Variants in SEC24B observed in about 807,000 individuals in gnomAD.
SEC24B encodes protein transport protein Sec24B.
In SEC24B, 45 loss-of-function variants were observed where a neutral mutation model predicts 142.8. That is an observed-to-expected ratio of 0.32 (90% CI 0.25 to 0.40). The LOEUF (loss-of-function observed/expected upper bound fraction) is 0.40, where lower values mean the gene tolerates loss of function less well. Among genes scored for constraint, SEC24B ranks in the 10% least tolerant of loss-of-function variants. The pLI is 1.00. For synonymous variants in SEC24B, 574 were observed against 568.2 expected (o/e 1.01, Z -0.15); for missense variants, 1,409 against 1,526.8 (o/e 0.92, Z 1.29).
At chr4:109,463,706 A>G in intron 2 of SEC24B, 62 bp downstream of exon 2, 1 of 1,549,122 alleles carries the variant, frequency 6.5e-7, no homozygotes. Flanking sequence ...CAATTAAGTT[A>G]TTATTTACAT....
intron 1 of SEC24B, among the ~76,000 whole-genome samples, chr4:109,446,400 A>C (rs1729466584): frequency 6.6e-6 from 1 of 152,232 alleles, no homozygotes; most frequent in Non-Finnish European, 1.5e-5. Flanking sequence ...GTCTCTTCAG[A>C]GTGTCCAAAG....
At chr4:109,439,525 T>C (rs1344141594) in intron 1 of SEC24B, among the ~76,000 whole-genome samples, 5 of 133,308 alleles carry the variant, frequency 3.8e-5, no homozygotes, top group African/African-American at 5.8e-5. Context: ...TTTTTGAGAC[T>C]GAGTTTCAGT....
intron 4 of SEC24B, among the ~76,000 whole-genome samples, chr4:109,490,012 T>G (rs1561127735): frequency 6.6e-6 from 1 of 152,064 alleles, no homozygotes; most frequent in Non-Finnish European, 1.5e-5. Context: ...TGCATAAATA[T>G]TAGTGTCTTC....
intron 1 of SEC24B, among the ~76,000 whole-genome samples, chr4:109,450,086 A>G (rs1191930741): frequency 1.3e-5 from 2 of 151,950 alleles, no homozygotes; most frequent in Non-Finnish European, 2.9e-5. Context: ...GGTTGCACTC[A>G]CCTGTAGTCC....
At chr4:109,482,979 TACACACACACACACACACACACAC>T (rs1554001099) in intron 4 of SEC24B, among the ~76,000 whole-genome samples, 1 of 26,406 alleles carries the variant, frequency 3.8e-5, no homozygotes, top group Non-Finnish European at 7.5e-5. Context: ...TATATATATA[TACACACACACACACACACACACAC>T]ATATTATACA....
chr4:109,510,049 G>A lies in SEC24B; in HGVS notation c.1714G>A (p.Ala572Thr). ...TTTGACAAATATTCCACAGACACAG[G>A]CTTTACTGAATAAAGCTAAGCTTCC... is the stretch of plus-strand genomic sequence containing the variant. ...CTLTNIPQTQ[A>T]LLNKAKLPLG... Residue 572 changes from alanine (A) to threonine (T), a missense_variant, in exon 8 of 24, where the codon GCT (alanine) becomes ACT (threonine). Ala to Thr is a moderately conservative substitution (Grantham distance 58). Around this residue, in one of 2 missense-constraint regions of SEC24B, gnomAD observed 700 missense variants for 853.3 expected, o/e 0.82. Transcript: ENST00000265175. 6.2e-7 allele frequency: 1 copy of A among 1,609,996 alleles called. No homozygotes were observed. Among genetic ancestry groups the A allele is most frequent in the Non-Finnish European group, 8.5e-7 (1 of 1,178,492 alleles).
intron 6 of SEC24B, among the ~76,000 whole-genome samples, chr4:109,500,544 TAAAA>T (rs749051623): frequency 8.9e-5 from 9 of 101,140 alleles, no homozygotes; most frequent in African/African-American, 1.9e-4. Context: ...GACTCCATCT[TAAAA>T]AAAAAAAAAA....
chr4:109,521,874 G>C (rs1287606095), intron 14 of SEC24B, among the ~76,000 whole-genome samples: 3 of 151,968 alleles, frequency 2.0e-5, no homozygotes, highest in African/African-American at 7.3e-5. Context: ...TGGGATTACA[G>C]GCGTGCACCA....
At chr4:109,462,851 TA>T in intron 1 of SEC24B, 49 bp from the exon 2 acceptor site, 1 of 1,398,272 alleles carries the variant, frequency 7.2e-7, no homozygotes, top group Non-Finnish European at 9.7e-7. Flanking sequence ...GGGCTATTTT[TA>T]AAAATTAGTT....
chr4:109,446,941 A>T (rs1729531722), intron 1 of SEC24B, among the ~76,000 whole-genome samples: 1 of 152,192 alleles, frequency 6.6e-6, no homozygotes, highest in Admixed American at 6.5e-5. Flanking sequence ...ACTAGACTGA[A>T]TTTTTTCACT....
chr4:109,462,781 A>T (rs1263407050), intron 1 of SEC24B, 120 bp from the exon 2 acceptor site: 1 of 805,170 alleles, frequency 1.2e-6, no homozygotes, highest in Admixed American at 2.6e-5. Context: ...AACAGTGTAT[A>T]CCTTTTGTAA....
intron 3 of SEC24B, among the ~76,000 whole-genome samples, chr4:109,473,569 G>A (rs1235239570): frequency 6.6e-6 from 1 of 151,954 alleles, no homozygotes; most frequent in Non-Finnish European, 1.5e-5. Context: ...GATTATTTCT[G>A]TGCTTTTTGT....
intron 1 of SEC24B, among the ~76,000 whole-genome samples, chr4:109,456,339 T>TTTTG (rs1730680199): frequency 6.7e-6 from 1 of 149,534 alleles, no homozygotes; most frequent in African/African-American, 2.4e-5. Flanking sequence ...TTTTTGTTTT[T>TTTTG]TTTTTTTTTT....
chr4:109,482,909 G>A lies in SEC24B; in HGVS notation c.1165+1128G>A, dbSNP rs1425325870. On this transcript the variant is annotated intron_variant, in intron 4 of 23. Transcript: ENST00000265175. ...AACCTCCCAAAGTGCTGGGATTACAGGCATGAGCTACCTTGCCAGGCTTGT... is the reference window on the plus strand; with the variant it reads ...AACCTCCCAAAGTGCTGGGATTACAAGCATGAGCTACCTTGCCAGGCTTGT... 4.9e-5 allele frequency among the ~76,000 whole-genome samples: 6 copies of A among 121,470 alleles called. No individual in the cohort carries two copies. In the East Asian group the frequency reaches 1.6e-3, roughly 33 times the overall value. 79.7% of individuals were successfully genotyped at this position (121,470 alleles called of 152,430 possible).
intron 1 of SEC24B, among the ~76,000 whole-genome samples, chr4:109,462,158 C>T (rs972123555): frequency 6.6e-6 from 1 of 152,062 alleles, no homozygotes; most frequent in Non-Finnish European, 1.5e-5. Flanking sequence ...ATCATGCCAT[C>T]GCGCTCTATA....
chr4:109,496,489 T>C (rs1735558491), intron 6 of SEC24B, among the ~76,000 whole-genome samples: 1 of 152,104 alleles, frequency 6.6e-6, no homozygotes, highest in African/African-American at 2.4e-5. Context: ...TATAGAAATT[T>C]TATGGTGAAG....
intron 1 of SEC24B, among the ~76,000 whole-genome samples, chr4:109,456,340 T>TG (rs1186789515): frequency 1.3e-5 from 2 of 149,656 alleles, no homozygotes; most frequent in East Asian, 1.9e-4. Context: ...TTTTGTTTTT[T>TG]TTTTTTTTTT....
chr4:109,516,505 T>C, intron 10 of SEC24B, 23 bp from the exon 11 acceptor site: 3 of 1,429,958 alleles, frequency 2.1e-6, no homozygotes, highest in Non-Finnish European at 2.9e-6. Context: ...CCAAATAACT[T>C]ACTTTATTTT....
chr4:109,489,751 C>G (rs565947933), intron 4 of SEC24B, among the ~76,000 whole-genome samples: 1 of 150,516 alleles, frequency 6.6e-6, no homozygotes, highest in Admixed American at 6.6e-5. Flanking sequence ...AGGTTTCATT[C>G]ACATTGTAGC....
Sources: gnomAD v4.1 joint callset for allele counts (sites outside exome capture counted in the v4.1 genomes callset) on GRCh38, gnomAD v4.1.1 for gene constraint, gnomAD v4.1.1 regional missense constraint, MANE v1.5 for transcripts, NCBI Gene and HGNC (gene_info 2026-07-23, HGNC 2026-07-21) for gene names.